The following ZBTB37 variants were observed in gnomAD, a reference collection of about 807,000 sequenced individuals.
ZBTB37 encodes zinc finger and BTB domain-containing protein 37.
A neutral mutation model predicts 37.7 loss-of-function variants in ZBTB37; 15 were observed. That is an observed-to-expected ratio of 0.40 (90% confidence interval 0.27 to 0.61). ZBTB37 has a LOEUF of 0.61. Among genes scored for constraint, ZBTB37 ranks in the 20% least tolerant of loss-of-function variants. The probability of loss-of-function intolerance (pLI) is 0.44; values close to 1 mark genes in which losing one functional copy is unlikely to be tolerated. For missense variants in ZBTB37, 514 were observed against 641.9 expected (o/e 0.80, Z 2.15); for synonymous variants, 231 against 220.6 (o/e 1.05, Z -0.42).
At chr1:173,876,845 A>G (rs897061494) in intron 4 of ZBTB37, among the ~76,000 whole-genome samples, 9 of 152,152 alleles carry the variant, frequency 5.9e-5, no homozygotes. Context: ...TCACTAATTG[A>G]CAGTATATTC....
At chr1:173,896,123 A>G (rs1184404201) in exon 4 of ZBTB37, 1 of 152,190 alleles carries the variant, frequency 6.6e-6, no homozygotes, top group Non-Finnish European at 1.5e-5. Flanking sequence ...TGGGAAGGGA[A>G]AAAGAAGACC....
At chr1:173,877,849 T>C (rs1656070587) in intron 4 of ZBTB37, among the ~76,000 whole-genome samples, 1 of 152,180 alleles carries the variant, frequency 6.6e-6, no homozygotes, top group South Asian at 2.1e-4. Context: ...AGAATGAATA[T>C]TGATAGATTT....
chr1:173,888,390 G>T (rs1475411004), downstream of ZBTB37: 1 of 152,146 alleles, frequency 6.6e-6, no homozygotes, highest in Non-Finnish European at 1.5e-5. Flanking sequence ...CTACTTTTGA[G>T]AAATAGTATG....
chr1:173,877,181 G>A (rs1656025330), intron 4 of ZBTB37, among the ~76,000 whole-genome samples: 1 of 152,096 alleles, frequency 6.6e-6, no homozygotes, highest in Admixed American at 6.5e-5. Context: ...GTACATAACT[G>A]TAAATTCAGT....
At chr1:173,887,514 G>T (rs1656675939), downstream of ZBTB37, 1 of 152,162 alleles carries the variant, frequency 6.6e-6, no homozygotes, top group Non-Finnish European at 1.5e-5. Flanking sequence ...GACCCTTTTA[G>T]TAATTCTGGG....
chr1:173,884,360 AT>A (rs1253843700), intron 4 of ZBTB37, among the ~76,000 whole-genome samples: 2 of 151,972 alleles, frequency 1.3e-5, no homozygotes, highest in African/African-American at 4.8e-5. Flanking sequence ...GTCTTGCTAT[AT>A]TGCCCAGGCT....
At chr1:173,877,541 C>T (rs949808220) in intron 4 of ZBTB37, among the ~76,000 whole-genome samples, 3 of 151,986 alleles carry the variant, frequency 2.0e-5, no homozygotes, top group Admixed American at 2.0e-4. Context: ...CCACCACACC[C>T]GGTTAATTTT....
chr1:173,903,065 A>T (rs987431883), exon 4 of ZBTB37: 88 of 152,354 alleles, frequency 5.8e-4, no homozygotes, highest in African/African-American at 2.0e-3. Context: ...AAGTGAAAAC[A>T]CAAAGACTCT....
intron 4 of ZBTB37, among the ~76,000 whole-genome samples, chr1:173,879,027 G>C (rs1263649347): frequency 6.6e-6 from 1 of 150,880 alleles, no homozygotes; most frequent in Admixed American, 6.6e-5. Flanking sequence ...GGAGGTGGAG[G>C]TTGCAGTGAG....
chr1:173,888,130 C>T (rs1327825598), downstream of ZBTB37: 3 of 152,162 alleles, frequency 2.0e-5, no homozygotes, highest in African/African-American at 7.2e-5. Context: ...CTGGTGCATC[C>T]TCCGCTTTAG....
At chr1:173,898,831 G>C (rs963143880) in exon 4 of ZBTB37, 1 of 152,166 alleles carries the variant, frequency 6.6e-6, no homozygotes, top group African/African-American at 2.4e-5. Context: ...AGGAGGAACT[G>C]TTGGTCCTTT....
In ZBTB37 at chr1:173,878,527, C is replaced by T. The variant is rs1025870209; in HGVS notation, c.1023+4961C>T. On this transcript the variant is annotated intron_variant, in intron 4 of 4. Coordinates refer to ENST00000427304, the Ensembl canonical transcript of ZBTB37. ...ACAATCAACCATCAAATAAACACAC[C>T]CCAGTGATGGGGTCACCAATGCCCA... Among the ~76,000 whole-genome samples the T allele has an allele frequency of 5.9e-5, 9 of 152,204 alleles. 1 individual carries two copies. The highest frequency in any genetic ancestry group is 3.9e-4 in the Admixed American group (6 of 15,282).
At chr1:173,900,218 TG>T (rs71659254) in exon 4 of ZBTB37, 11,067 of 152,250 alleles carry the variant, frequency 0.073, 1,312 homozygotes, top group African/African-American at 0.25. Flanking sequence ...TTTCTTGGAT[TG>T]TTTTTTTGTG....
chr1:173,868,810 G>T, intron 1 of ZBTB37, 115 bp from the exon 2 acceptor site: 1 of 153,368 alleles, frequency 6.5e-6, no homozygotes, highest in Non-Finnish European at 1.5e-5. Flanking sequence ...AAGTTCCTCA[G>T]TGACATTTTG....
At chr1:173,887,460 GGTTTGGTTAC>G (rs1656673627), downstream of ZBTB37, 2 of 152,126 alleles carry the variant, frequency 1.3e-5, no homozygotes, top group Admixed American at 1.3e-4. Context: ...ATTTTGGTCA[GGTTTGGTTAC>G]TTAGTCATTC....
chr1:173,886,079 T>A, exon 5 of ZBTB37: 2 of 1,551,578 alleles, frequency 1.3e-6, no homozygotes, highest in Non-Finnish European at 1.7e-6. Context: ...CAGTTGCTCC[T>A]GGGGAAGCTG....
intron 4 of ZBTB37, among the ~76,000 whole-genome samples, chr1:173,877,391 T>C (rs1398066518): frequency 1.1e-4 from 14 of 125,318 alleles, no homozygotes; most frequent in African/African-American, 3.2e-4. Flanking sequence ...TTTTTTTTTT[T>C]TTTTTTCCGA....
intron 4 of ZBTB37, among the ~76,000 whole-genome samples, chr1:173,874,759 A>G (rs1384678097): frequency 6.6e-6 from 1 of 152,230 alleles, no homozygotes; most frequent in Non-Finnish European, 1.5e-5. Flanking sequence ...CCAGCTTTTT[A>G]TTTGTAGTCC....
chr1:173,883,196 T>G (rs1656431900), intron 4 of ZBTB37, among the ~76,000 whole-genome samples: 1 of 152,192 alleles, frequency 6.6e-6, no homozygotes, highest in Admixed American at 6.5e-5. Context: ...AGAGTACTGT[T>G]GGCTGGGCCT....
Sources: gnomAD v4.1 joint callset for allele counts (sites outside exome capture counted in the v4.1 genomes callset) on GRCh38, gnomAD v4.1.1 for gene constraint, MANE v1.5 for transcripts, NCBI Gene and HGNC (gene_info 2026-07-23, HGNC 2026-07-21) for gene names.